The following TFCP2 variants were observed in gnomAD, a reference collection of about 807,000 sequenced individuals.
TFCP2 encodes the protein alpha-globin transcription factor CP2.
Under a neutral mutation model 73.4 loss-of-function variants are expected in TFCP2, and 33 were observed. The observed-to-expected ratio is 0.45, with a 90% CI of 0.34 to 0.60. The LOEUF (loss-of-function observed/expected upper bound fraction) is 0.60, where lower values mean the gene tolerates loss of function less well. TFCP2 is among the 20% of genes least tolerant of loss of function. The pLI is 0.01. For synonymous variants in TFCP2, 193 were observed against 211.6 expected, an observed-to-expected ratio of 0.91 and a Z score of 0.76; for missense variants, 352 against 604.0, an observed-to-expected ratio of 0.58 and a Z score of 4.37.
At chr12:51,158,640 C>T (rs2137039476) in intron 1 of TFCP2, among the ~76,000 whole-genome samples, 1 of 151,988 alleles carries the variant, frequency 6.6e-6, no homozygotes, top group South Asian at 2.1e-4. Flanking sequence ...AGGCATGAGC[C>T]ACCATGCCCA....
At chr12:51,109,053 G>T in intron 6 of TFCP2, 68 bp downstream of exon 6, 1 of 1,529,718 alleles carries the variant, frequency 6.5e-7, no homozygotes, top group Non-Finnish European at 8.9e-7. Flanking sequence ...TTTCTGACTT[G>T]GTAACTAATG....
chr12:51,161,889 A>C (rs1941658103), intron 1 of TFCP2, among the ~76,000 whole-genome samples: 1 of 150,966 alleles, frequency 6.6e-6, no homozygotes, highest in African/African-American at 2.4e-5. Flanking sequence ...ACCACGAAAA[A>C]CAAAAACAAA....
chr12:51,125,227 T>G, intron 1 of TFCP2: 1 of 608,634 alleles, frequency 1.6e-6, no homozygotes, highest in Non-Finnish European at 3.1e-6. Context: ...TTGGTTTCTG[T>G]ACCCATGGGA....
At chr12:51,145,760 A>T (rs1489715196) in intron 1 of TFCP2, among the ~76,000 whole-genome samples, 1 of 151,648 alleles carries the variant, frequency 6.6e-6, no homozygotes, top group African/African-American at 2.4e-5. Flanking sequence ...GACTAGCCTC[A>T]GCAACATAAG....
At chr12:51,124,626 G>A (rs763346211) in intron 1 of TFCP2, 1 of 547,294 alleles carries the variant, frequency 1.8e-6, no homozygotes, top group African/African-American at 1.9e-5. Context: ...CCGGCAGGTA[G>A]GTCATGTTCC....
chr12:51,138,522 T>G (rs777225641), intron 1 of TFCP2, among the ~76,000 whole-genome samples: 2 of 152,194 alleles, frequency 1.3e-5, no homozygotes, highest in Non-Finnish European at 2.9e-5. Flanking sequence ...AGTACCAGAA[T>G]AGTTAGTCCT....
At chr12:51,131,543 G>A (rs757365730) in intron 1 of TFCP2, among the ~76,000 whole-genome samples, 4 of 152,128 alleles carry the variant, frequency 2.6e-5, no homozygotes, top group Non-Finnish European at 5.9e-5. Flanking sequence ...TACATCTTAT[G>A]AACATCCACT....
Position 51,135,319 on chromosome 12 carries a change from C to T in TFCP2, c.123-16547G>A, listed in dbSNP as rs1014318686. Among the ~76,000 whole-genome samples, 3 of 151,572 alleles carry T rather than the reference C, an allele frequency of 2.0e-5. No homozygotes were observed. In the South Asian group the frequency reaches 6.3e-4, roughly 32 times the overall value. On this transcript the variant is annotated intron_variant, in intron 1 of 14. Transcript: ENST00000257915. ...GTGGGCACCTGTAGTCCCAGCTACTCGGGAGGCTGAAGCAGGAGAATTGCT... is the reference window on the plus strand; with the variant it reads ...GTGGGCACCTGTAGTCCCAGCTACTTGGGAGGCTGAAGCAGGAGAATTGCT...
chr12:51,150,585 G>GT (rs544578259), intron 1 of TFCP2, among the ~76,000 whole-genome samples: 18 of 152,064 alleles, frequency 1.2e-4, no homozygotes, highest in African/African-American at 4.1e-4. Context: ...GTAAAGAACA[G>GT]TAACAACTGA....
At chr12:51,144,081 G>A (rs1443685347) in intron 1 of TFCP2, among the ~76,000 whole-genome samples, 1 of 152,108 alleles carries the variant, frequency 6.6e-6, no homozygotes, top group Non-Finnish European at 1.5e-5. Flanking sequence ...CCCAGGCCAA[G>A]TGCAGTGGCA....
chr12:51,166,998 A>C (rs1054637217), intron 1 of TFCP2, among the ~76,000 whole-genome samples: 2 of 152,148 alleles, frequency 1.3e-5, no homozygotes, highest in Non-Finnish European at 2.9e-5. Flanking sequence ...CCTCCTCCAT[A>C]GTTCTAGTCA....
intron 6 of TFCP2, 148 bp downstream of exon 6, chr12:51,108,973 G>T: frequency 4.8e-6 from 4 of 832,820 alleles, no homozygotes; most frequent in Middle Eastern, 3.2e-4. Context: ...AGGCATCTTG[G>T]TAATTATTTC....
intron 1 of TFCP2, among the ~76,000 whole-genome samples, chr12:51,119,139 TC>T (rs1203152603): frequency 6.6e-6 from 1 of 152,196 alleles, no homozygotes. Flanking sequence ...TATAACCATA[TC>T]AGCTGATTTA....
chr12:51,119,996 T>C (rs1423640959), intron 1 of TFCP2, among the ~76,000 whole-genome samples: 4 of 151,430 alleles, frequency 2.6e-5, no homozygotes, highest in Non-Finnish European at 1.5e-5. Context: ...CTGGCCAACA[T>C]GGTGAAACCC....
intron 1 of TFCP2, among the ~76,000 whole-genome samples, chr12:51,127,432 A>C (rs1197321544): frequency 6.6e-6 from 1 of 152,240 alleles, no homozygotes; most frequent in Non-Finnish European, 1.5e-5. Context: ...TCAACTCAGA[A>C]TTAGACAGAC....
chr12:51,107,197 A>G (rs754525596), intron 7 of TFCP2, 39 bp downstream of exon 7: 2 of 1,520,950 alleles, frequency 1.3e-6, no homozygotes, highest in South Asian at 2.4e-5. Flanking sequence ...AAGATTAAAA[A>G]TTATGAACTG....
chr12:51,095,686 T>C (rs1177935786), intron 14 of TFCP2, among the ~76,000 whole-genome samples: 1 of 151,592 alleles, frequency 6.6e-6, no homozygotes, highest in Non-Finnish European at 1.5e-5. Context: ...TGGTGGCACG[T>C]GCCTGTAATC....
rs1351028598 is a variant in TFCP2 at position 51,116,745 on chromosome 12, GTAGC to G, written c.352-329_352-326del. 1.2e-4 allele frequency among the ~76,000 whole-genome samples: 18 copies of G among 151,856 alleles called. No homozygotes were observed. The East Asian group carries it at 3.3e-3, about 28-fold the overall frequency. The stretch of plus-strand genomic sequence containing the variant: ...GAATTCTCCTGCCTCAGCCTCCTGA[GTAGC>G]TGGGATTACAGGCATGTGCTACCAC... On this transcript the variant is annotated intron_variant, in intron 3 of 14. Coordinates refer to ENST00000257915, the MANE Select transcript of TFCP2 (RefSeq NM_005653.5).
At position 51,172,283 on chromosome 12, in the gene TFCP2, T is replaced by C; in HGVS notation, c.122+18A>G. 1 of 1,613,774 alleles carries C rather than the reference T, an allele frequency of 6.2e-7. No individual in the cohort carries two copies. Among genetic ancestry groups the C allele is most frequent in the South Asian group, 1.1e-5 (1 of 91,050 alleles). ...TTTGTTATTCAGAAGGTGTAGGGTC[T>C]GGGAAAATCTCACTCACCTCATGCT... On this transcript the variant is annotated intron_variant, in intron 1 of 14. Transcript: ENST00000257915.
Sources: allele counts gnomAD v4.1 joint callset (sites outside exome capture counted in the v4.1 genomes callset), GRCh38; gene constraint gnomAD v4.1.1; transcripts MANE v1.5; gene names NCBI Gene and HGNC (gene_info 2026-07-23, HGNC 2026-07-21).